SORCS3: variants seen among roughly 807,000 people sequenced by gnomAD.
The protein encoded by SORCS3 is sortilin related VPS10 domain containing receptor 3, also known as VPS10 domain-containing receptor SorCS3.
Under a neutral mutation model 146.3 loss-of-function variants are expected in SORCS3, and 57 were observed. The ratio of observed to expected loss-of-function variants is 0.39; its 90% confidence interval spans 0.31 to 0.49. The LOEUF (loss-of-function observed/expected upper bound fraction) is 0.49, where lower values mean the gene tolerates loss of function less well. SORCS3 is among the 20% of genes least tolerant of loss of function. The pLI is 0.92. For missense variants in SORCS3, 1,341 were observed against 1,575.5 expected (o/e 0.85, Z 2.52); for synonymous variants, 653 against 618.5 (o/e 1.06, Z -0.83).
chr10:104,753,157 T>C (rs1016064855), intron 1 of SORCS3, among the ~76,000 whole-genome samples: 3 of 152,334 alleles, frequency 2.0e-5, no homozygotes, highest in Non-Finnish European at 4.4e-5. Context: ...TGGCATTGAC[T>C]TTGGACAACC....
chr10:104,775,701 C>G (rs540848082), intron 1 of SORCS3, among the ~76,000 whole-genome samples: 1 of 152,268 alleles, frequency 6.6e-6, no homozygotes, highest in Admixed American at 6.5e-5. Context: ...TTGGCAGCAC[C>G]ATAGTTGAAA....
At chr10:105,167,976 C>G (rs561371986) in intron 13 of SORCS3, among the ~76,000 whole-genome samples, 3 of 151,842 alleles carry the variant, frequency 2.0e-5, no homozygotes, top group Admixed American at 2.0e-4. Context: ...GAGAAATGGC[C>G]AAAATATAGA....
At chr10:105,015,762 C>T (rs548985571) in intron 4 of SORCS3, among the ~76,000 whole-genome samples, 2 of 152,124 alleles carry the variant, frequency 1.3e-5, no homozygotes, top group East Asian at 3.9e-4. Context: ...CACAGTCTTA[C>T]TCTGTCACCC....
At chr10:104,760,165 C>T (rs1446843917) in intron 1 of SORCS3, among the ~76,000 whole-genome samples, 1 of 152,084 alleles carries the variant, frequency 6.6e-6, no homozygotes, top group Non-Finnish European at 1.5e-5. Flanking sequence ...GGCAGCTGAG[C>T]AGGAGAGTCA....
chr10:105,175,948 G>A (rs1323303951), intron 13 of SORCS3, among the ~76,000 whole-genome samples: 1 of 151,994 alleles, frequency 6.6e-6, no homozygotes, highest in Non-Finnish European at 1.5e-5. Flanking sequence ...TTAGGACAGA[G>A]AGGATAAAAT....
intron 1 of SORCS3, among the ~76,000 whole-genome samples, chr10:104,648,050 A>G (rs1456449433): frequency 6.6e-6 from 1 of 152,240 alleles, no homozygotes; most frequent in Non-Finnish European, 1.5e-5. Context: ...TGGATGTGAG[A>G]CTGCTCTTCT....
Position 104,641,298 on chromosome 10 carries a change from G to A in SORCS3, c.-30G>A, listed in dbSNP as rs2015410398. The A allele has an allele frequency of 1.6e-6, 2 of 1,267,008 alleles. No homozygotes were observed. The highest frequency in any genetic ancestry group is 3.3e-5 in the East Asian group (1 of 30,210). The allele number at this position is 1,267,008 out of a possible 1,614,324, so 78.5% of individuals were successfully genotyped here. ...GCACCTCGGCGGGCGCCACACACTCGGCAGCCCGAGCCGCGGTAGCCGCAG... is the reference window on the plus strand; with the variant it reads ...GCACCTCGGCGGGCGCCACACACTCAGCAGCCCGAGCCGCGGTAGCCGCAG... On this transcript the variant is annotated 5_prime_UTR_variant, in exon 1 of 27. Coordinates refer to ENST00000369701, the MANE Select transcript of SORCS3 (RefSeq NM_014978.3). The surrounding 1 kb of genome is among the most constrained non-coding windows in gnomAD (Gnocchi z 6.4).
At chr10:105,021,346 A>C (rs1017561773) in intron 4 of SORCS3, among the ~76,000 whole-genome samples, 1 of 152,144 alleles carries the variant, frequency 6.6e-6, no homozygotes, top group Non-Finnish European at 1.5e-5. Flanking sequence ...TAATCCATTC[A>C]TGAGAGTGGA....
intron 2 of SORCS3, among the ~76,000 whole-genome samples, chr10:104,853,959 A>G (rs561009634): frequency 6.6e-6 from 1 of 152,332 alleles, no homozygotes; most frequent in Admixed American, 6.5e-5. Context: ...ATATTGGTGG[A>G]TGATGAACCC....
intron 11 of SORCS3, among the ~76,000 whole-genome samples, 166 bp from the exon 12 acceptor site, chr10:105,164,137 T>A (rs1166902913): frequency 6.6e-6 from 1 of 152,072 alleles, no homozygotes. Flanking sequence ...CCATATTGGG[T>A]TTTTCATCCT....
intron 13 of SORCS3, among the ~76,000 whole-genome samples, chr10:105,173,054 C>G (rs1162018467): frequency 6.6e-6 from 1 of 152,050 alleles, no homozygotes; most frequent in South Asian, 2.1e-4. Flanking sequence ...GATGAGAAAT[C>G]TAGATCCATC....
intron 5 of SORCS3, among the ~76,000 whole-genome samples, chr10:105,084,276 A>T (rs1202134283): frequency 6.6e-6 from 1 of 152,216 alleles, no homozygotes; most frequent in Non-Finnish European, 1.5e-5. Flanking sequence ...ATTAATGAAG[A>T]TAATGCTTAT....
At chr10:104,947,368 A>G (rs1442131202) in intron 3 of SORCS3, among the ~76,000 whole-genome samples, 2 of 152,096 alleles carry the variant, frequency 1.3e-5, no homozygotes, top group Non-Finnish European at 2.9e-5. Context: ...CTAGAAACCT[A>G]TCCTCCAACT....
chr10:104,791,353 G>A (rs141852549), intron 1 of SORCS3, among the ~76,000 whole-genome samples: 2 of 152,328 alleles, frequency 1.3e-5, no homozygotes, highest in East Asian at 3.9e-4. Flanking sequence ...TCGACAAACA[G>A]CCTTTCCTTT....
intron 1 of SORCS3, among the ~76,000 whole-genome samples, chr10:104,728,915 C>T (rs148415854): frequency 5.3e-5 from 8 of 152,254 alleles, no homozygotes; most frequent in African/African-American, 9.6e-5. Flanking sequence ...CTCCATCTGC[C>T]TTAAGTCTCT....
At chr10:104,921,922 AATATT>A (rs1390850699) in intron 3 of SORCS3, among the ~76,000 whole-genome samples, 1 of 152,070 alleles carries the variant, frequency 6.6e-6, no homozygotes, top group Non-Finnish European at 1.5e-5. Flanking sequence ...GGAGGAGGGG[AATATT>A]ACATCCTGCA....
intron 1 of SORCS3, among the ~76,000 whole-genome samples, chr10:104,814,538 A>G (rs77642569): frequency 0.014 from 2,173 of 152,126 alleles, 33 homozygotes; most frequent in African/African-American, 0.037. Flanking sequence ...TCAGACCCCT[A>G]TTCATCCTCT....
intron 22 of SORCS3, among the ~76,000 whole-genome samples, chr10:105,250,700 C>T (rs553719770): frequency 6.6e-6 from 1 of 152,242 alleles, no homozygotes; most frequent in South Asian, 2.1e-4. Context: ...TTAAAGGCCC[C>T]CAGCCTTATG....
rs1306615154 is a variant in SORCS3, at chr10:104,641,591, G to A, written c.264G>A (p.Glu88=). Residue 88 remains glutamate, a synonymous_variant, in exon 1 of 27, where the codon GAG becomes GAA. Coordinates refer to ENST00000369701, the MANE Select transcript of SORCS3 (RefSeq NM_014978.3). The surrounding 1 kb of genome is among the most constrained non-coding windows in gnomAD (Gnocchi z 6.4). ...TGCTGGGGCGCCGGGCCGGACCAGA[G>A]CTGCTGCCCCAGCAGGGCGGCGGCA... The part of the protein sequence containing the change: ...AAVLGRRAGP[E]LLPQQGGGRG... The A allele has an allele frequency of 2.0e-6, 3 of 1,512,390 alleles. No homozygotes were observed. The highest frequency in any genetic ancestry group is 2.6e-6 in the Non-Finnish European group (3 of 1,137,870). 93.7% of individuals were successfully genotyped at this position (1,512,390 alleles called of 1,614,324 possible).
Sources: allele counts gnomAD v4.1 joint callset (sites outside exome capture counted in the v4.1 genomes callset), GRCh38; gene constraint gnomAD v4.1.1; non-coding constraint Gnocchi (gnomAD v3.1); transcripts MANE v1.5; gene names NCBI Gene and HGNC (gene_info 2026-07-23, HGNC 2026-07-21).